Variants in SHROOM3 observed in about 807,000 individuals in gnomAD.
SHROOM3 encodes the protein protein Shroom3.
Under a neutral mutation model 138.6 loss-of-function variants are expected in SHROOM3, and 47 were observed. That is an observed-to-expected ratio of 0.34 (90% CI 0.27 to 0.43). The LOEUF is 0.43. Ranked by LOEUF, SHROOM3 falls within the 20% of genes least tolerant of loss-of-function variation. The pLI, the probability that SHROOM3 is intolerant of heterozygous loss-of-function variation, is 1.00. For synonymous variants in SHROOM3, 1,062 were observed against 1,063.3 expected, an observed-to-expected ratio of 1.00 and a Z score of 0.02; for missense variants, 2,491 against 2,596.5, an observed-to-expected ratio of 0.96 and a Z score of 0.88.
intron 1 of SHROOM3, among the ~76,000 whole-genome samples, chr4:76,519,880 A>T (rs1732526900): frequency 6.6e-6 from 1 of 152,178 alleles, no homozygotes; most frequent in African/African-American, 2.4e-5. Flanking sequence ...TGGATTTGTG[A>T]GGTGTGAGGT....
rs572145603 is a variant in SHROOM3 at position 76,581,346 on chromosome 4, G to T, written c.323+25583G>T. On this transcript the variant is annotated intron_variant, in intron 2 of 10. Coordinates refer to ENST00000296043, the MANE Select transcript of SHROOM3 (RefSeq NM_020859.4). ...ATGATTACTTTAGGCCAGTAGAAAA[G>T]AAGCAAAATTAAATTGAAAAAATGT... 6.2e-4 allele frequency among the ~76,000 whole-genome samples: 94 copies of T among 152,194 alleles called. 2 individuals carry two copies. The highest frequency in any genetic ancestry group is 1.0e-3 in the Non-Finnish European group (68 of 68,022).
chr4:76,762,728 GCATACAAA>G (rs1347478374), intron 9 of SHROOM3, among the ~76,000 whole-genome samples: 1 of 152,134 alleles, frequency 6.6e-6, no homozygotes, highest in Admixed American at 6.5e-5. Context: ...TCTGCCTTGG[GCATACAAA>G]CATGAATAAG....
At chr4:76,646,932 G>C (rs1418999107) in intron 2 of SHROOM3, among the ~76,000 whole-genome samples, 1 of 152,024 alleles carries the variant, frequency 6.6e-6, no homozygotes, top group Non-Finnish European at 1.5e-5. Flanking sequence ...TCTATCCAAA[G>C]GAAAAGAAAT....
rs764393560 is a variant in SHROOM3 at position 76,741,182 on chromosome 4, C to T, written c.3009C>T (p.Ala1003=). Residue 1003 remains alanine, a synonymous_variant, in exon 5 of 11, where the codon GCC becomes GCT. Transcript: ENST00000296043. The surrounding 1 kb of genome is among the most constrained non-coding windows in gnomAD (Gnocchi z 6.2). ...TGGCCAGGCCCGTGCCCCCTGCCGC[C>T]CGGAGAGGTGCTCGCCGGCGCCTGA... ...GDLARPVPPA[A]RRGARRRLTP... is the part of the protein sequence containing the mutation. 8.2e-6 allele frequency: 13 copies of T among 1,593,046 alleles called. No homozygotes were observed. Among genetic ancestry groups the T allele is most frequent in the Admixed American group, 3.5e-5 (2 of 57,060 alleles).
At chr4:76,461,517 A>G (rs1223457796) in intron 1 of SHROOM3, among the ~76,000 whole-genome samples, 1 of 152,204 alleles carries the variant, frequency 6.6e-6, no homozygotes, top group African/African-American at 2.4e-5. Context: ...GAGAATAAGT[A>G]TAAAGATATT....
In SHROOM3 at chr4:76,739,907, C is replaced by T; in HGVS notation, c.1734C>T (p.Pro578=). The change falls in exon 5 of 11, where the codon CCC becomes CCT. Residue 578 remains proline, a synonymous_variant. Coordinates refer to ENST00000296043, the MANE Select transcript of SHROOM3 (RefSeq NM_020859.4). ...CCCTGAAGAGACATCTCACACCTCCCCAAGGCAACAGCCCACATTCCAATG... is the reference window on the plus strand; with the variant it reads ...CCCTGAAGAGACATCTCACACCTCCTCAAGGCAACAGCCCACATTCCAATG... ...DASLKRHLTP[P]QGNSPHSNER... The T allele has an allele frequency of 6.2e-7, 1 of 1,614,210 alleles. No individual in the cohort carries two copies. Among genetic ancestry groups the T allele is most frequent in the South Asian group, 1.1e-5 (1 of 91,088 alleles).
intron 1 of SHROOM3, among the ~76,000 whole-genome samples, chr4:76,506,191 G>A (rs1163414370): frequency 6.6e-6 from 1 of 151,860 alleles, no homozygotes; most frequent in African/African-American, 2.4e-5. Context: ...ACATGGACAC[G>A]GGTTGGGGGG....
At chr4:76,469,161 A>G (rs1731313153) in intron 1 of SHROOM3, among the ~76,000 whole-genome samples, 1 of 152,078 alleles carries the variant, frequency 6.6e-6, no homozygotes, top group Non-Finnish European at 1.5e-5. Flanking sequence ...AGATCACACC[A>G]CTGCACTCCA....
intron 6 of SHROOM3, among the ~76,000 whole-genome samples, chr4:76,752,169 T>C (rs1721646096): frequency 6.6e-6 from 1 of 152,222 alleles, no homozygotes; most frequent in Non-Finnish European, 1.5e-5. Context: ...TGCTTCAACA[T>C]GACATTACGT....
At chr4:76,440,743 A>G (rs1432725891) in intron 1 of SHROOM3, among the ~76,000 whole-genome samples, 1 of 152,110 alleles carries the variant, frequency 6.6e-6, no homozygotes, top group Non-Finnish European at 1.5e-5. Context: ...AACACTCAGC[A>G]ATGTGCTGGT....
At chr4:76,734,571 T>C (rs929357890) in intron 4 of SHROOM3, among the ~76,000 whole-genome samples, 1 of 151,294 alleles carries the variant, frequency 6.6e-6, no homozygotes, top group Non-Finnish European at 1.5e-5. Context: ...GGTGCAGTGA[T>C]GCGATCAAGG....
At chr4:76,624,752 A>C (rs1735091747) in intron 2 of SHROOM3, among the ~76,000 whole-genome samples, 1 of 152,260 alleles carries the variant, frequency 6.6e-6, no homozygotes, top group South Asian at 2.1e-4. Flanking sequence ...TATGTTGCAT[A>C]TTCCAGAGCT....
At chr4:76,485,886 T>C (rs1054403888) in intron 1 of SHROOM3, among the ~76,000 whole-genome samples, 1 of 152,236 alleles carries the variant, frequency 6.6e-6, no homozygotes, top group African/African-American at 2.4e-5. Context: ...CAACTAGTTT[T>C]GGGAATTTGT....
At chr4:76,500,781 T>TTTTTC (rs149999501) in intron 1 of SHROOM3, among the ~76,000 whole-genome samples, 26,558 of 151,756 alleles carry the variant, frequency 0.18, 2,677 homozygotes, top group African/African-American at 0.27. Flanking sequence ...TCTTTTACCC[T>TTTTTC]TTTTCTTTTC....
At chr4:76,657,178 TCTCTCTCTCTCG>T (rs1225860500) in intron 2 of SHROOM3, among the ~76,000 whole-genome samples, 18 of 150,752 alleles carry the variant, frequency 1.2e-4, no homozygotes, top group Middle Eastern at 3.2e-3. Context: ...ACTCTCTCTC[TCTCTCTCTCTCG>T]CTCTCTCTCT....
intron 1 of SHROOM3, 109 bp from the exon 2 acceptor site, chr4:76,555,500 G>T: frequency 6.6e-7 from 1 of 1,519,204 alleles, no homozygotes; most frequent in South Asian, 1.2e-5. Context: ...TGTGGCCCTA[G>T]CTGGTCCGTT....
At chr4:76,575,403 A>C (rs1269509809) in intron 2 of SHROOM3, 1 of 152,208 alleles carries the variant, frequency 6.6e-6, no homozygotes, top group African/African-American at 2.4e-5. Flanking sequence ...AAAAGGAAGA[A>C]AGCAAATTAT....
At chr4:76,720,758 C>T (rs957531730) in intron 3 of SHROOM3, among the ~76,000 whole-genome samples, 28 of 151,382 alleles carry the variant, frequency 1.8e-4, no homozygotes, top group Middle Eastern at 6.8e-3. Context: ...ATTACAGGCA[C>T]GCACCACCAC....
chr4:76,742,208 G>A, intron 5 of SHROOM3: 1 of 478,906 alleles, frequency 2.1e-6, no homozygotes, highest in South Asian at 2.6e-5. Flanking sequence ...ATGGAAAAAT[G>A]CAAGGTTAAG....
Sources: allele counts gnomAD v4.1 joint callset (sites outside exome capture counted in the v4.1 genomes callset), GRCh38; gene constraint gnomAD v4.1.1; non-coding constraint Gnocchi (gnomAD v3.1); transcripts MANE v1.5; gene names NCBI Gene and HGNC (gene_info 2026-07-23, HGNC 2026-07-21).